The following NRXN1 variants were observed in gnomAD, a reference collection of about 807,000 sequenced individuals.
NRXN1 encodes neurexin 1.
Under a neutral mutation model 150.9 loss-of-function variants are expected in NRXN1, and 39 were observed. The observed-to-expected ratio is 0.26, with a 90% CI of 0.20 to 0.34. The LOEUF is 0.34. Among genes scored for constraint, NRXN1 ranks in the 10% least tolerant of loss-of-function variants. NRXN1 has a pLI of 1.00. For missense variants in NRXN1, 1,815 were observed against 1,949.9 expected, an observed-to-expected ratio of 0.93 and a Z score of 1.30; for synonymous variants, 924 against 757.0, an observed-to-expected ratio of 1.22 and a Z score of -3.62.
chr2:50,425,665 T>A (rs1426269956), intron 17 of NRXN1, among the ~76,000 whole-genome samples: 4 of 152,168 alleles, frequency 2.6e-5, no homozygotes, highest in Non-Finnish European at 4.4e-5. Context: ...CAGGTTCATT[T>A]TCCTTTGTTA....
At chr2:50,489,955 C>T (rs1255989132) in intron 15 of NRXN1, among the ~76,000 whole-genome samples, 1 of 152,170 alleles carries the variant, frequency 6.6e-6, no homozygotes, top group Non-Finnish European at 1.5e-5. Context: ...TTAAAACACA[C>T]TGACAAAGGC....
chr2:50,260,752 A>C (rs1362740682), intron 17 of NRXN1, among the ~76,000 whole-genome samples: 1 of 151,148 alleles, frequency 6.6e-6, no homozygotes, highest in African/African-American at 2.4e-5. Context: ...GTGTTAATCC[A>C]AGATGTATGA....
chr2:50,122,359 C>G (rs1436781464), intron 18 of NRXN1, among the ~76,000 whole-genome samples: 1 of 152,168 alleles, frequency 6.6e-6, no homozygotes, highest in Non-Finnish European at 1.5e-5. Context: ...AAATTTCTCC[C>G]TAAGGAGCTG....
intron 5 of NRXN1, among the ~76,000 whole-genome samples, chr2:50,751,512 C>T (rs1700591931): frequency 6.6e-6 from 1 of 151,878 alleles, no homozygotes; most frequent in Admixed American, 6.6e-5. Context: ...TGCCAGAAAA[C>T]ATGCAGGAAT....
At chr2:50,711,185 GT>G (rs1695091059) in intron 5 of NRXN1, among the ~76,000 whole-genome samples, 1 of 152,118 alleles carries the variant, frequency 6.6e-6, no homozygotes, top group African/African-American at 2.4e-5. Context: ...GTGGCTGTCA[GT>G]TTTGGTAAGT....
At chr2:50,489,110 T>C (rs776913681) in intron 15 of NRXN1, among the ~76,000 whole-genome samples, 2 of 151,906 alleles carry the variant, frequency 1.3e-5, no homozygotes, top group South Asian at 2.1e-4. Context: ...GGGCATAGGA[T>C]TGAACTTTCC....
At chr2:50,605,614 T>C (rs189769762) in intron 8 of NRXN1, among the ~76,000 whole-genome samples, 2 of 152,206 alleles carry the variant, frequency 1.3e-5, no homozygotes, top group African/African-American at 4.8e-5. Context: ...CTGGCTATTA[T>C]TAAAAAAGAC....
At chr2:50,910,959 C>G (rs1684430577) in intron 5 of NRXN1, among the ~76,000 whole-genome samples, 1 of 151,978 alleles carries the variant, frequency 6.6e-6, no homozygotes, top group Non-Finnish European at 1.5e-5. Context: ...TGACAAGTTC[C>G]ACTGACATTA....
chr2:50,319,898 A>G (rs2075888514), intron 17 of NRXN1, among the ~76,000 whole-genome samples: 1 of 152,192 alleles, frequency 6.6e-6, no homozygotes, highest in Non-Finnish European at 1.5e-5. Context: ...TGCCTCCTCC[A>G]GTTCTAACTC....
At chr2:50,412,486 C>T (rs1049593087) in intron 17 of NRXN1, among the ~76,000 whole-genome samples, 1 of 151,804 alleles carries the variant, frequency 6.6e-6, no homozygotes, top group Non-Finnish European at 1.5e-5. Flanking sequence ...AGTTTATTGC[C>T]TTCATTTTTA....
chr2:50,308,236 A>G (rs572553014), intron 17 of NRXN1, among the ~76,000 whole-genome samples: 12 of 152,268 alleles, frequency 7.9e-5, no homozygotes, highest in Non-Finnish European at 1.3e-4. Context: ...AATTGTGTAT[A>G]CTTTTACTAA....
chr2:50,515,920 G>A (rs181389055), intron 12 of NRXN1, among the ~76,000 whole-genome samples: 1 of 152,138 alleles, frequency 6.6e-6, no homozygotes, highest in African/African-American at 2.4e-5. Context: ...TTGTAATTAT[G>A]ACACCTTCAG....
At chr2:50,642,275 A>G (rs1456091135) in intron 5 of NRXN1, among the ~76,000 whole-genome samples, 1 of 152,096 alleles carries the variant, frequency 6.6e-6, no homozygotes, top group Non-Finnish European at 1.5e-5. Flanking sequence ...GGGGGATACA[A>G]GACATATAAA....
intron 21 of NRXN1, among the ~76,000 whole-genome samples, chr2:50,000,868 G>A (rs762363409): frequency 2.6e-5 from 4 of 152,164 alleles, no homozygotes; most frequent in Admixed American, 2.0e-4. Flanking sequence ...GAGATGCGGT[G>A]CAGACAGCTA....
At chr2:50,544,054 A>T (rs1359841612) in intron 9 of NRXN1, among the ~76,000 whole-genome samples, 1 of 152,156 alleles carries the variant, frequency 6.6e-6, no homozygotes, top group Non-Finnish European at 1.5e-5. Flanking sequence ...ATTTTTGAAT[A>T]AACAATCTTT....
intron 2 of NRXN1, among the ~76,000 whole-genome samples, chr2:50,936,181 A>T (rs1004015069): frequency 6.6e-6 from 1 of 152,228 alleles, no homozygotes; most frequent in Admixed American, 6.6e-5. Context: ...TACTGAGGTC[A>T]TCTGATATTT....
intron 21 of NRXN1, among the ~76,000 whole-genome samples, chr2:50,037,650 C>G (rs964326575): frequency 6.6e-6 from 1 of 152,160 alleles, no homozygotes; most frequent in African/African-American, 2.4e-5. Flanking sequence ...AATGACAATG[C>G]AATAATGCAA....
chr2:50,473,690 C>A (rs2089726446), intron 15 of NRXN1, among the ~76,000 whole-genome samples: 1 of 152,016 alleles, frequency 6.6e-6, no homozygotes, highest in East Asian at 1.9e-4. Flanking sequence ...TTACTGTTCA[C>A]CTGGGTCCTT....
rs117026981 is a variant in NRXN1 at position 49,926,117 on chromosome 2, T to A, written c.4217-3866A>T. ...GGCTTTTGACTTTTGCTGGCATTTT[T>A]AACCTATAAATGATTTGGAAGCTAA... On this transcript the variant is annotated intron_variant, in intron 22 of 22. Coordinates refer to ENST00000401669, the MANE Select transcript of NRXN1 (RefSeq NM_001330078.2). 1.9e-3 allele frequency among the ~76,000 whole-genome samples: 283 copies of A among 152,342 alleles called. 3 individuals are homozygous for A. In the East Asian group the frequency reaches 0.026, roughly 14 times the overall value.
Sources: gnomAD v4.1 joint callset for allele counts (sites outside exome capture counted in the v4.1 genomes callset) on GRCh38, gnomAD v4.1.1 for gene constraint, MANE v1.5 for transcripts, NCBI Gene and HGNC (gene_info 2026-07-23, HGNC 2026-07-21) for gene names.